The following EPHA6 variants were observed in gnomAD, a reference collection of about 807,000 sequenced individuals.
The protein encoded by EPHA6 is ephrin type-A receptor 6.
Under a neutral mutation model 112.0 loss-of-function variants are expected in EPHA6, and 50 were observed. That is an observed-to-expected ratio of 0.45 (90% CI 0.36 to 0.56). The LOEUF is 0.56. EPHA6 is among the 20% of genes least tolerant of loss of function. The pLI, the probability that EPHA6 is intolerant of heterozygous loss-of-function variation, is 0.00. For synonymous variants in EPHA6, 529 were observed against 490.7 expected (o/e 1.08, Z -1.03); for missense variants, 1,280 against 1,417.4 (o/e 0.90, Z 1.56).
intron 7 of EPHA6, among the ~76,000 whole-genome samples, chr3:97,465,137 A>G (rs962239044): frequency 6.6e-6 from 1 of 152,078 alleles, no homozygotes; most frequent in Admixed American, 6.6e-5. Flanking sequence ...GACAAGGTGA[A>G]TGGGTATGTC....
chr3:96,998,596 A>C (rs1330462333), intron 3 of EPHA6, among the ~76,000 whole-genome samples: 1 of 151,884 alleles, frequency 6.6e-6, no homozygotes, highest in African/African-American at 2.4e-5. Context: ...ATGAGAATCT[A>C]TTATTGCTAA....
At chr3:97,084,702 A>G (rs2046838450) in intron 3 of EPHA6, among the ~76,000 whole-genome samples, 1 of 152,110 alleles carries the variant, frequency 6.6e-6, no homozygotes, top group Admixed American at 6.6e-5. Flanking sequence ...GAGGAGGTGA[A>G]GGATTTCTGC....
Position 97,551,711 on chromosome 3 carries a change from C to G in EPHA6, c.2386+19168C>G, listed in dbSNP as rs898873625. ...TTATATACCTAATGGCTGAACTATT[C>G]CATTACACTGAAATGATAGTACACA... On this transcript the variant is annotated intron_variant, in intron 11 of 17. Transcript: ENST00000389672. Among the ~76,000 whole-genome samples, 25 of 152,078 alleles carry G rather than the reference C, an allele frequency of 1.6e-4. 1 individual carries two copies. The highest frequency in any genetic ancestry group is 7.2e-4 in the Admixed American group (11 of 15,254).
intron 1 of EPHA6, 97 bp downstream of exon 1, chr3:96,815,105 G>A: frequency 8.2e-7 from 1 of 1,222,254 alleles, no homozygotes; most frequent in Middle Eastern, 2.8e-4. Context: ...TTTGTACAGG[G>A]GTCAGAGTCT....
rs1211225320 is a variant in EPHA6, at chr3:97,759,717, A to G, written c.*11016A>G. 3 of 228,434 alleles carry G rather than the reference A, an allele frequency of 1.3e-5. No individual in the cohort carries two copies. The highest frequency in any genetic ancestry group is 2.6e-5 in the Non-Finnish European group (3 of 115,104). 14.2% of individuals were successfully genotyped at this position (228,434 alleles called of 1,614,324 possible). ...GATGTCACTACGTAAGTTTTTTTTT[A>G]ATTTTACCAAGAATGAGATAAAAGC... On this transcript the variant is annotated 3_prime_UTR_variant, in exon 18 of 18. Transcript: ENST00000389672.
chr3:97,595,377 C>T (rs1339395371), intron 12 of EPHA6, among the ~76,000 whole-genome samples: 3 of 152,132 alleles, frequency 2.0e-5, no homozygotes, highest in African/African-American at 7.2e-5. Flanking sequence ...GGCGCGGTGG[C>T]TCAGGCCTGT....
intron 5 of EPHA6, among the ~76,000 whole-genome samples, chr3:97,398,723 TAGTG>T (rs1361306606): frequency 6.6e-6 from 1 of 151,528 alleles, no homozygotes; most frequent in Non-Finnish European, 1.5e-5. Flanking sequence ...TTTAATGTAA[TAGTG>T]AGAATGAATT....
intron 3 of EPHA6, among the ~76,000 whole-genome samples, chr3:97,091,266 T>C (rs914280003): frequency 1.3e-5 from 2 of 152,284 alleles, no homozygotes; most frequent in African/African-American, 2.4e-5. Context: ...TGCCATTTTC[T>C]ATGCCATTAG....
At chr3:97,293,832 G>T (rs1045199945) in intron 5 of EPHA6, among the ~76,000 whole-genome samples, 6 of 152,308 alleles carry the variant, frequency 3.9e-5, no homozygotes, top group African/African-American at 1.4e-4. Flanking sequence ...TGGATCCCTG[G>T]CTGTCCATGC....
At chr3:97,687,629 C>G (rs2032351160) in intron 14 of EPHA6, among the ~76,000 whole-genome samples, 1 of 152,154 alleles carries the variant, frequency 6.6e-6, no homozygotes, top group African/African-American at 2.4e-5. Flanking sequence ...TCTTTTCCAA[C>G]AGATGCTATA....
At chr3:97,150,656 C>A (rs1267592614) in intron 3 of EPHA6, among the ~76,000 whole-genome samples, 1 of 152,056 alleles carries the variant, frequency 6.6e-6, no homozygotes, top group Admixed American at 6.6e-5. Flanking sequence ...ATCCAGGGAT[C>A]TCATGTCTTC....
At chr3:97,227,232 T>C (rs2078386050) in intron 4 of EPHA6, among the ~76,000 whole-genome samples, 1 of 151,934 alleles carries the variant, frequency 6.6e-6, no homozygotes, top group Admixed American at 6.6e-5. Flanking sequence ...CTTTTTTTTT[T>C]TTTTCGAGAC....
intron 3 of EPHA6, among the ~76,000 whole-genome samples, chr3:97,113,665 C>A (rs2047792816): frequency 6.6e-6 from 1 of 152,052 alleles, no homozygotes; most frequent in African/African-American, 2.4e-5. Context: ...GTCTTTCTTG[C>A]CTTTTTCCTT....
intron 1 of EPHA6, among the ~76,000 whole-genome samples, chr3:96,863,851 T>A (rs1265299872): frequency 2.6e-5 from 4 of 152,068 alleles, no homozygotes; most frequent in Non-Finnish European, 5.9e-5. Flanking sequence ...TTTAGACACT[T>A]AGCTCTAATG....
intron 2 of EPHA6, among the ~76,000 whole-genome samples, chr3:96,891,406 T>A (rs2037954774): frequency 6.6e-6 from 1 of 151,998 alleles, no homozygotes; most frequent in East Asian, 1.9e-4. Flanking sequence ...GTCTTTGAGG[T>A]CACGATAAAG....
chr3:97,103,052 C>T (rs1360904244), intron 3 of EPHA6, among the ~76,000 whole-genome samples: 2 of 152,034 alleles, frequency 1.3e-5, no homozygotes, highest in Non-Finnish European at 2.9e-5. Flanking sequence ...GCACAGTGTG[C>T]AGAAATTTTC....
chr3:97,508,305 T>C (rs1226440080), intron 10 of EPHA6, among the ~76,000 whole-genome samples: 2 of 152,230 alleles, frequency 1.3e-5, no homozygotes, highest in African/African-American at 4.8e-5. Flanking sequence ...CATTTAGTGC[T>C]ATAAATTCCC....
intron 7 of EPHA6, among the ~76,000 whole-genome samples, chr3:97,467,908 C>T (rs1870311): frequency 0.12 from 17,813 of 151,600 alleles, 1,306 homozygotes; most frequent in Admixed American, 0.23. Context: ...CATTATGCTG[C>T]GCTATTTGCC....
At chr3:97,735,026 G>C (rs753967826) in intron 15 of EPHA6, among the ~76,000 whole-genome samples, 2 of 151,854 alleles carry the variant, frequency 1.3e-5, no homozygotes, top group Admixed American at 6.6e-5. Context: ...TTAACTTTGG[G>C]ATCTTATACA....
Sources: gnomAD v4.1 joint callset for allele counts (sites outside exome capture counted in the v4.1 genomes callset) on GRCh38, gnomAD v4.1.1 for gene constraint, MANE v1.5 for transcripts, NCBI Gene and HGNC (gene_info 2026-07-23, HGNC 2026-07-21) for gene names.